Variants in C2orf78 observed in about 807,000 individuals in gnomAD.
C2orf78 encodes the protein chromosome 2 open reading frame 78.
In C2orf78, 12 loss-of-function variants were observed where a neutral mutation model predicts 21.4. The ratio of observed to expected loss-of-function variants is 0.56; its 90% CI spans 0.36 to 0.91. The LOEUF (loss-of-function observed/expected upper bound fraction) is 0.91. C2orf78 is among the 40% of genes least tolerant of loss of function. The probability of loss-of-function intolerance (pLI) is 0.01; values close to 1 mark genes in which losing one functional copy is unlikely to be tolerated. For missense variants in C2orf78, 1,042 were observed against 1,092.4 expected, an observed-to-expected ratio of 0.95 and a Z score of 0.65; for synonymous variants, 396 against 413.9, an observed-to-expected ratio of 0.96 and a Z score of 0.52.
chr2:73,813,607 C>T (rs769976684), exon 2 of C2orf78: 13 of 1,614,080 alleles, frequency 8.1e-6, no homozygotes, highest in Admixed American at 3.3e-5. Context: ...CAGCCATCAG[C>T]TCAGCATGGC....
At chr2:73,807,774 G>T (rs1375993161) in intron 1 of C2orf78, among the ~76,000 whole-genome samples, 1 of 138,098 alleles carries the variant, frequency 7.2e-6, no homozygotes, top group African/African-American at 2.9e-5. Flanking sequence ...AAATCAAGGG[G>T]TTAAAAATGG....
chr2:73,814,053 G>A, exon 2 of C2orf78: 1 of 1,613,868 alleles, frequency 6.2e-7, no homozygotes, highest in Non-Finnish European at 8.5e-7. Context: ...CAACTATCCT[G>A]CCTGCAATCT....
chr2:73,815,243 G>A, exon 3 of C2orf78: 1 of 1,613,942 alleles, frequency 6.2e-7, no homozygotes, highest in East Asian at 2.2e-5. Flanking sequence ...CTCCAGTCCA[G>A]AGTCCTACTA....
At chr2:73,811,594 A>G (rs1673090530) in intron 1 of C2orf78, among the ~76,000 whole-genome samples, 2 of 152,204 alleles carry the variant, frequency 1.3e-5, no homozygotes, top group African/African-American at 4.8e-5. Flanking sequence ...CCTAAGAATA[A>G]AAAGTCAAGC....
At chr2:73,808,134 GT>G (rs1448224621) in intron 1 of C2orf78, among the ~76,000 whole-genome samples, 4 of 151,060 alleles carry the variant, frequency 2.6e-5, no homozygotes, top group Non-Finnish European at 5.9e-5. Flanking sequence ...GGCGCCTGTA[GT>G]CCCAGCTACT....
chr2:73,810,630 TA>T (rs1307520818), intron 1 of C2orf78, among the ~76,000 whole-genome samples: 2 of 137,446 alleles, frequency 1.5e-5, no homozygotes, highest in Non-Finnish European at 3.1e-5. Context: ...ATACATAATA[TA>T]TATATGTATA....
intron 1 of C2orf78, among the ~76,000 whole-genome samples, chr2:73,810,814 T>C (rs1192408902): frequency 8.1e-5 from 6 of 74,080 alleles, no homozygotes; most frequent in East Asian, 4.4e-4. Context: ...TATACATGTA[T>C]AATTAATATA....
chr2:73,810,613 T>C (rs1673063629), intron 1 of C2orf78, among the ~76,000 whole-genome samples: 2 of 138,026 alleles, frequency 1.4e-5, no homozygotes, highest in East Asian at 4.0e-4. Context: ...ATATATATTT[T>C]ATATATATAC....
intron 2 of C2orf78, among the ~76,000 whole-genome samples, chr2:73,814,594 A>T (rs1395304249): frequency 6.6e-6 from 1 of 152,084 alleles, no homozygotes; most frequent in African/African-American, 2.4e-5. Flanking sequence ...TGACATTTTG[A>T]TTTTCCTTAA....
At chr2:73,814,346 A>G in intron 2 of C2orf78, 120 bp downstream of exon 2, 1 of 1,142,784 alleles carries the variant, frequency 8.8e-7, no homozygotes, top group South Asian at 1.6e-5. Flanking sequence ...TTCAACCACT[A>G]TTCTTTGGCA....
At chr2:73,810,450 C>A (rs1208356864) in intron 1 of C2orf78, among the ~76,000 whole-genome samples, 1 of 150,576 alleles carries the variant, frequency 6.6e-6, no homozygotes. Context: ...TCGTTTGAAC[C>A]CAGGAGGTGT....
chr2:73,817,103 A>C, exon 3 of C2orf78: 2 of 1,243,776 alleles, frequency 1.6e-6, no homozygotes, highest in African/African-American at 1.5e-5. Context: ...GAAATGTAAT[A>C]GAATTGATTA....
chr2:73,809,705 G>T (rs1367293058), intron 1 of C2orf78, among the ~76,000 whole-genome samples: 1 of 152,172 alleles, frequency 6.6e-6, no homozygotes, highest in Non-Finnish European at 1.5e-5. Flanking sequence ...CGCTGCTTGA[G>T]CCCAGGAGGT....
chr2:73,807,789 G>A (rs1672985346), intron 1 of C2orf78, among the ~76,000 whole-genome samples: 1 of 143,120 alleles, frequency 7.0e-6, no homozygotes, highest in Admixed American at 7.0e-5. Context: ...AAATGGGAGA[G>A]CAGAAGAGAG....
At chr2:73,815,778 C>G (rs866137002) in exon 3 of C2orf78, 2 of 1,613,746 alleles carry the variant, frequency 1.2e-6, no homozygotes, top group Middle Eastern at 1.6e-4. Context: ...GGCCAAAATC[C>G]AGCCAAAGAA....
exon 3 of C2orf78, chr2:73,816,328 G>A (rs1423853958): frequency 1.2e-6 from 2 of 1,613,746 alleles, no homozygotes; most frequent in East Asian, 4.5e-5. Flanking sequence ...GAAAAAGAGT[G>A]TACATCTCCA....
chr2:73,813,943 G>T (rs769824774), exon 2 of C2orf78: 1 of 1,614,040 alleles, frequency 6.2e-7, no homozygotes, highest in Admixed American at 1.7e-5. Context: ...TTGTTCAGGG[G>T]ACACTAACTC....
rs1573198402 is a variant in C2orf78, at chr2:73,809,852, G to A, written c.98-3625G>A. On this transcript the variant is annotated intron_variant, in intron 1 of 2. Transcript: ENST00000409561. Reference sequence around the variant, plus strand: ...CATTCCTATCTAAACTAGGTGGAAAGAGAAAATGGAGAGTACTGGGTTATA... The same window carrying A: ...CATTCCTATCTAAACTAGGTGGAAAAAGAAAATGGAGAGTACTGGGTTATA... Among the ~76,000 whole-genome samples, 3 of 152,278 alleles carry A rather than the reference G, an allele frequency of 2.0e-5. No homozygotes were observed. In the South Asian group the frequency reaches 6.2e-4, roughly 32 times the overall value.
intron 1 of C2orf78, among the ~76,000 whole-genome samples, chr2:73,809,097 A>C (rs1348445938): frequency 2.6e-5 from 4 of 152,160 alleles, no homozygotes; most frequent in Non-Finnish European, 5.9e-5. Flanking sequence ...TCTCTCACAA[A>C]ATCTGTTTCC....
Sources: allele counts gnomAD v4.1 joint callset (sites outside exome capture counted in the v4.1 genomes callset), GRCh38; gene constraint gnomAD v4.1.1; transcripts MANE v1.5; gene names NCBI Gene and HGNC (gene_info 2026-07-23, HGNC 2026-07-21).